Variants in CMTM4 observed in about 807,000 individuals in gnomAD.
CMTM4 encodes CKLF like MARVEL transmembrane domain containing 4.
A neutral mutation model predicts 19.0 loss-of-function variants in CMTM4; 8 were observed. The ratio of observed to expected loss-of-function variants is 0.42; its 90% confidence interval spans 0.25 to 0.76. The LOEUF is 0.76. CMTM4 is among the 30% of genes least tolerant of loss of function. The pLI is 0.27. For missense variants in CMTM4, 228 were observed against 290.2 expected, an observed-to-expected ratio of 0.79 and a Z score of 1.56; for synonymous variants, 106 against 121.1, an observed-to-expected ratio of 0.88 and a Z score of 0.82.
chr16:66,645,080 T>TTGAGACCAGCCTGGCCAACATGG, intron 1 of CMTM4, among the ~76,000 whole-genome samples: 1 of 150,842 alleles, frequency 6.6e-6, no homozygotes, highest in African/African-American at 2.4e-5. Context: ...GGTCAGGAGT[T>TTGAGACCAGCCTGGCCAACATGG]TGAGACCAGC....
At chr16:66,606,380 TCCCATG>T in the CMTM4 span, among the ~76,000 whole-genome samples, 1 of 152,000 alleles carries the variant, frequency 6.6e-6, no homozygotes. Flanking sequence ...GCTGGGTCAG[TCCCATG>T]GAAGGCCTTC....
chr16:66,687,490 A>C (rs1390357631), intron 1 of CMTM4, among the ~76,000 whole-genome samples: 1 of 151,942 alleles, frequency 6.6e-6, no homozygotes, highest in Non-Finnish European at 1.5e-5. Flanking sequence ...ACATAGCGAG[A>C]CCGTCTCAAA....
At chr16:66,613,713 G>A (rs2015469553), downstream of CMTM4, 1 of 152,374 alleles carries the variant, frequency 6.6e-6, no homozygotes, top group South Asian at 2.1e-4. Flanking sequence ...CTCTTACCCT[G>A]AAAAAAAGCC....
intron 1 of CMTM4, 72 bp from the exon 2 acceptor site, chr16:66,636,653 T>C: frequency 2.4e-6 from 3 of 1,250,598 alleles, no homozygotes; most frequent in Non-Finnish European, 3.5e-6. Context: ...GTACCTGCCA[T>C]GCTTATATAA....
chr16:66,691,945 AC>A (rs2017143340), intron 1 of CMTM4, among the ~76,000 whole-genome samples: 1 of 152,232 alleles, frequency 6.6e-6, no homozygotes, highest in Admixed American at 6.5e-5. Flanking sequence ...TCAGTTAGAT[AC>A]CTAATACGGT....
intron 1 of CMTM4, among the ~76,000 whole-genome samples, chr16:66,682,562 G>A (rs1409947296): frequency 6.6e-6 from 1 of 152,160 alleles, no homozygotes; most frequent in Non-Finnish European, 1.5e-5. Context: ...AACATTTTAA[G>A]TGTTTATTAA....
Position 66,620,945 on chromosome 16 carries a change from C to G in CMTM4, c.*1113G>C. 1 of 985,844 alleles carries G rather than the reference C, an allele frequency of 1.0e-6. No homozygotes were observed. Among genetic ancestry groups the G allele is most frequent in the Non-Finnish European group, 1.2e-6 (1 of 829,948 alleles). The allele number at this position is 985,844 out of a possible 1,614,324, so 61.1% of individuals were successfully genotyped here. A position where few individuals can be genotyped will look rare whatever the true frequency, so the allele number is the denominator to read the frequency against. ...CCTTAAGTAGCTAGGATTTTTCCCC[C>G]CAACAACTCCCAAGAATGATGTCTA... On this transcript the variant is annotated 3_prime_UTR_variant, in exon 4 of 4. Coordinates refer to ENST00000394106, the MANE Select transcript of CMTM4 (RefSeq NM_181521.3).
downstream of CMTM4, among the ~76,000 whole-genome samples, chr16:66,611,964 G>A (rs1043216816): frequency 6.6e-6 from 1 of 152,036 alleles, no homozygotes; most frequent in South Asian, 2.1e-4. Context: ...TGGGGGTGGG[G>A]GTAGAGCTGG....
At chr16:66,608,181 C>A in the CMTM4 span, 1 of 964,168 alleles carries the variant, frequency 1.0e-6, no homozygotes, top group Non-Finnish European at 1.6e-6. The surrounding 1 kb of genome is among the most constrained non-coding windows in gnomAD (Gnocchi z 5.1). Context: ...TTCCCAGCTG[C>A]GGGACTGTGA....
intron 1 of CMTM4, among the ~76,000 whole-genome samples, chr16:66,665,149 C>T (rs1336809868): frequency 1.3e-5 from 2 of 150,526 alleles, no homozygotes; most frequent in African/African-American, 4.9e-5. Flanking sequence ...GGTTTTGCCA[C>T]GTTGTCCAGG....
chr16:66,644,673 G>T (rs1349616601), intron 1 of CMTM4, among the ~76,000 whole-genome samples: 2 of 152,132 alleles, frequency 1.3e-5, no homozygotes, highest in African/African-American at 4.8e-5. Context: ...TGTGAGTGGG[G>T]TAGACCCCTG....
chr16:66,607,019 C>T, the CMTM4 span, among the ~76,000 whole-genome samples: 934 of 152,262 alleles, frequency 6.1e-3, 13 homozygotes, highest in African/African-American at 0.022. Context: ...ATAACTCTAT[C>T]TGGGGGGTCA....
chr16:66,676,348 A>G (rs976239790), intron 1 of CMTM4, among the ~76,000 whole-genome samples: 2 of 152,242 alleles, frequency 1.3e-5, no homozygotes, highest in Non-Finnish European at 2.9e-5. Flanking sequence ...CCATAACCAT[A>G]TAACGGACAA....
At chr16:66,653,286 C>T (rs1319522121) in intron 1 of CMTM4, among the ~76,000 whole-genome samples, 1 of 152,070 alleles carries the variant, frequency 6.6e-6, no homozygotes, top group Non-Finnish European at 1.5e-5. Flanking sequence ...TGATTTCAGC[C>T]AAAATAGTGA....
At chr16:66,689,120 C>CAGA (rs1243780108) in intron 1 of CMTM4, among the ~76,000 whole-genome samples, 1 of 152,110 alleles carries the variant, frequency 6.6e-6, no homozygotes, top group Admixed American at 6.6e-5. Flanking sequence ...CTGTACGTCT[C>CAGA]CTATTAATTT....
rs2015667966 is a variant in CMTM4, at chr16:66,622,999, G to A, written c.462+405C>T. Among the ~76,000 whole-genome samples the A allele has an allele frequency of 6.6e-6, 1 of 152,188 alleles. No homozygotes were observed. Among genetic ancestry groups the A allele is most frequent in the African/African-American group, 2.4e-5 (1 of 41,432 alleles). On this transcript the variant is annotated intron_variant, in intron 3 of 3. Transcript: ENST00000394106. The surrounding 1 kb of genome is among the most constrained non-coding windows in gnomAD (Gnocchi z 4.0). Reference sequence around the variant, plus strand: ...TGCCGTGGCATTTCCACCTTGAAATGTCATGTGACTGCTAAATGGTGTCAT... The same window carrying A: ...TGCCGTGGCATTTCCACCTTGAAATATCATGTGACTGCTAAATGGTGTCAT...
At chr16:66,669,563 A>G (rs543712335) in intron 1 of CMTM4, among the ~76,000 whole-genome samples, 104 of 150,410 alleles carry the variant, frequency 6.9e-4, no homozygotes, top group Non-Finnish European at 1.2e-3. Flanking sequence ...TTTTTTTTTG[A>G]GACAGTCTCA....
At chr16:66,641,389 AATAAT>A (rs1422761231) in intron 1 of CMTM4, among the ~76,000 whole-genome samples, 2 of 152,196 alleles carry the variant, frequency 1.3e-5, no homozygotes, top group Non-Finnish European at 2.9e-5. Flanking sequence ...TGCAGCAATA[AATAAT>A]ATATCAGGGA....
At position 66,631,451 on chromosome 16, in the gene CMTM4, C is replaced by T. The variant is rs544160543; in HGVS notation, c.363+4954G>A. Among the ~76,000 whole-genome samples the T allele has an allele frequency of 2.0e-5, 3 of 152,256 alleles. No homozygotes were observed. In the East Asian group the frequency reaches 5.8e-4, roughly 29 times the overall value. Reference sequence around the variant, plus strand: ...GGTGTACCCAACAGCTCATTGAGAACGGGCCATGATGACAATGGCAGTGTT... The same window carrying T: ...GGTGTACCCAACAGCTCATTGAGAATGGGCCATGATGACAATGGCAGTGTT... On this transcript the variant is annotated intron_variant, in intron 2 of 3. Coordinates refer to ENST00000394106, the MANE Select transcript of CMTM4 (RefSeq NM_181521.3).
Sources: allele counts gnomAD v4.1 joint callset (sites outside exome capture counted in the v4.1 genomes callset), GRCh38; gene constraint gnomAD v4.1.1; non-coding constraint Gnocchi (gnomAD v3.1); transcripts MANE v1.5; gene names NCBI Gene and HGNC (gene_info 2026-07-23, HGNC 2026-07-21).